The following SULT1B1 variants were observed in gnomAD, a reference collection of about 807,000 sequenced individuals.
SULT1B1 encodes the protein sulfotransferase family 1B member 1.
A neutral mutation model predicts 34.6 loss-of-function variants in SULT1B1; 28 were observed. That is an observed-to-expected ratio of 0.81 (90% CI 0.60 to 1.11). The LOEUF (loss-of-function observed/expected upper bound fraction) is 1.11. SULT1B1 is among the 50% of genes least tolerant of loss of function. SULT1B1 has a pLI of 0.00. For missense variants in SULT1B1, 374 were observed against 352.2 expected (o/e 1.06, Z -0.50); for synonymous variants, 147 against 110.2 (o/e 1.33, Z -2.09).
chr4:69,743,923 G>T (rs925267205), intron 4 of SULT1B1, among the ~76,000 whole-genome samples: 1 of 152,130 alleles, frequency 6.6e-6, no homozygotes, highest in Non-Finnish European at 1.5e-5. Context: ...CAACAGCTGC[G>T]CATGGGTGGC....
chr4:69,759,549 A>G (rs1032448345), intron 1 of SULT1B1, among the ~76,000 whole-genome samples: 1 of 152,204 alleles, frequency 6.6e-6, no homozygotes, highest in East Asian at 1.9e-4. Flanking sequence ...CCAATTCAGG[A>G]AGCTACAGGG....
intron 3 of SULT1B1, among the ~76,000 whole-genome samples, chr4:69,752,920 G>A (rs1719033478): frequency 1.3e-5 from 2 of 152,052 alleles, no homozygotes; most frequent in African/African-American, 4.8e-5. Flanking sequence ...TGCATTCCCT[G>A]TTAGCTCATT....
chr4:69,749,119 AAAG>A (rs891434500), intron 4 of SULT1B1, among the ~76,000 whole-genome samples: 3 of 152,214 alleles, frequency 2.0e-5, no homozygotes, highest in African/African-American at 4.8e-5. Flanking sequence ...GAGGGACAAA[AAAG>A]AAGGAGAAGG....
At chr4:69,733,678 A>G (rs1394037) in intron 5 of SULT1B1, among the ~76,000 whole-genome samples, 171 bp from the exon 6 acceptor site, 44,599 of 151,904 alleles carry the variant, frequency 0.29, 7,600 homozygotes, top group South Asian at 0.45. Flanking sequence ...TAAACATCAG[A>G]TATTTTTTAA....
chr4:69,729,866 A>G (rs1330046921), intron 7 of SULT1B1, among the ~76,000 whole-genome samples: 3 of 152,144 alleles, frequency 2.0e-5, no homozygotes, highest in Admixed American at 1.3e-4. Context: ...TATTGTTATT[A>G]TTAACACATT....
In SULT1B1 at chr4:69,721,833, A is replaced by G. The variant is rs1247090632; in HGVS notation, c.*5255T>C. ...CCATGGATGAGGAAATAATCATATC[A>G]TTGTCAGATATTTGTTATCACTGTC... On this transcript the variant is annotated 3_prime_UTR_variant, in exon 8 of 8. Transcript: ENST00000310613. 1 of 152,116 alleles carries G rather than the reference A, an allele frequency of 6.6e-6. No individual in the cohort carries two copies. Among genetic ancestry groups the G allele is most frequent in the Non-Finnish European group, 1.5e-5 (1 of 68,006 alleles). The allele number at this position is 152,116 out of a possible 1,614,324, so 9.4% of individuals were successfully genotyped here.
At chr4:69,732,938 T>C (rs1334749893) in intron 6 of SULT1B1, among the ~76,000 whole-genome samples, 1 of 152,034 alleles carries the variant, frequency 6.6e-6, no homozygotes, top group Non-Finnish European at 1.5e-5. Context: ...AAAATAAGTT[T>C]AGTTTTGAGC....
chr4:69,749,970 A>G, intron 3 of SULT1B1, 152 bp from the exon 4 acceptor site: 1 of 595,414 alleles, frequency 1.7e-6, no homozygotes, highest in Non-Finnish European at 3.0e-6. Context: ...ACATTACTAG[A>G]GTCAGTATTG....
chr4:69,736,859 G>C (rs80105376), intron 4 of SULT1B1, among the ~76,000 whole-genome samples: 181 of 152,032 alleles, frequency 1.2e-3, no homozygotes, highest in Non-Finnish European at 2.0e-3. Flanking sequence ...GAACCTGTGG[G>C]ACAATAACAA....
intron 4 of SULT1B1, among the ~76,000 whole-genome samples, chr4:69,736,718 A>T (rs998500698): frequency 1.3e-5 from 2 of 152,202 alleles, no homozygotes; most frequent in Non-Finnish European, 2.9e-5. Flanking sequence ...TAAATAAATC[A>T]CTAGATGGAC....
chr4:69,733,427 C>G lies in SULT1B1; in HGVS notation c.583G>C (p.Glu195Gln). 2 of 1,604,308 alleles carry G rather than the reference C, an allele frequency of 1.2e-6. No homozygotes were observed. The highest frequency in any genetic ancestry group is 8.5e-7 in the Non-Finnish European group (1 of 1,175,554). Reference protein sequence around the residue: ...EEHPILFLYYEDMKENPKEEI... With the variant: ...EEHPILFLYYQDMKENPKEEI... ...TACCATTTTACCTCTTTCATATCTT[C>G]ATAGTACAAAAAAAGTATTGGGTGT... Residue 195 changes from glutamate to glutamine, a missense_variant, in exon 6 of 8, where the codon GAA (glutamate) becomes CAA (glutamine). Coordinates refer to ENST00000310613, the MANE Select transcript of SULT1B1 (RefSeq NM_014465.4).
chr4:69,734,145 A>C lies in SULT1B1; in HGVS notation c.495T>G (p.Thr165=), dbSNP rs1578049854. 9 of 1,608,338 alleles carry C rather than the reference A, an allele frequency of 5.6e-6. 1 individual carries two copies. Among genetic ancestry groups the C allele is most frequent in the African/African-American group, 4.0e-5 (3 of 74,782 alleles). ...TWEEYLEKFL[T]GKVAYGSWFT... ...AAGATAAAGTCCACATACCTTTTCC[A>C]GTTAAGAATTTCTCCAGATATTCTT... Residue 165 remains threonine, a synonymous_variant, in exon 5 of 8, where the codon ACT becomes ACG. Coordinates refer to ENST00000310613, the MANE Select transcript of SULT1B1 (RefSeq NM_014465.4).
At position 69,725,239 on chromosome 4, in the gene SULT1B1, A is replaced by G. The variant is rs973022909; in HGVS notation, c.*1849T>C. ...ATGAACAGATACTTCTCAAAAGAAG[A>G]CATTTATGCAGCCAACAGACACATG... On this transcript the variant is annotated 3_prime_UTR_variant, in exon 8 of 8. Transcript: ENST00000310613. 6.6e-6 allele frequency: 1 copy of G among 152,226 alleles called. No individual in the cohort carries two copies. Among genetic ancestry groups the G allele is most frequent in the Non-Finnish European group, 1.5e-5 (1 of 68,036 alleles). 9.4% of individuals were successfully genotyped at this position (152,226 alleles called of 1,614,324 possible).
Position 69,724,582 on chromosome 4 carries a change from G to C in SULT1B1, c.*2506C>G, listed in dbSNP as rs1056379373. Reference sequence around the variant, plus strand: ...TTGCCAAGTCAATCCTAAGCCAAAAGAGCAAAGCTGGAAGCATCATACTAC... The same window carrying C: ...TTGCCAAGTCAATCCTAAGCCAAAACAGCAAAGCTGGAAGCATCATACTAC... On this transcript the variant is annotated 3_prime_UTR_variant, in exon 8 of 8. Coordinates refer to ENST00000310613, the MANE Select transcript of SULT1B1 (RefSeq NM_014465.4). 4 of 152,168 alleles carry C rather than the reference G, an allele frequency of 2.6e-5. No homozygotes were observed. The highest frequency in any genetic ancestry group is 4.4e-5 in the Non-Finnish European group (3 of 68,058). The allele number at this position is 152,168 out of a possible 1,614,324, so 9.4% of individuals were successfully genotyped here.
chr4:69,751,294 C>T (rs1042878898), intron 3 of SULT1B1, among the ~76,000 whole-genome samples: 3 of 152,194 alleles, frequency 2.0e-5, no homozygotes, highest in Admixed American at 1.3e-4. Context: ...ATCTGTTGTT[C>T]CTTGTTCCGC....
At chr4:69,746,297 TG>T (rs1197112716) in intron 4 of SULT1B1, among the ~76,000 whole-genome samples, 3 of 152,226 alleles carry the variant, frequency 2.0e-5, no homozygotes, top group Non-Finnish European at 4.4e-5. Context: ...TCCTCAGATA[TG>T]TTTTCCAAGT....
In SULT1B1 at chr4:69,727,008, C is replaced by A; in HGVS notation, c.*80G>T. On this transcript the variant is annotated 3_prime_UTR_variant, in exon 8 of 8. Coordinates refer to ENST00000310613, the MANE Select transcript of SULT1B1 (RefSeq NM_014465.4). ...TCTCCTTTATAAATTCATTTGATTG[C>A]CCAAATCAATTCATAACTGCCCTCG... 1.0e-6 allele frequency: 1 copy of A among 962,332 alleles called. No homozygotes were observed. Among genetic ancestry groups the A allele is most frequent in the Non-Finnish European group, 1.5e-6 (1 of 659,002 alleles). 59.6% of individuals were successfully genotyped at this position (962,332 alleles called of 1,614,324 possible).
chr4:69,757,595 C>T (rs1719240091), intron 1 of SULT1B1, among the ~76,000 whole-genome samples: 1 of 152,148 alleles, frequency 6.6e-6, no homozygotes, highest in African/African-American at 2.4e-5. Context: ...TACACACACA[C>T]ACACAAAATC....
intron 4 of SULT1B1, among the ~76,000 whole-genome samples, chr4:69,746,667 C>T (rs1300921047): frequency 6.6e-6 from 1 of 152,124 alleles, no homozygotes; most frequent in Non-Finnish European, 1.5e-5. Flanking sequence ...GTTTCCTTGA[C>T]ATCTAGGTTC....
Sources: gnomAD v4.1 joint callset for allele counts (sites outside exome capture counted in the v4.1 genomes callset) on GRCh38, gnomAD v4.1.1 for gene constraint, MANE v1.5 for transcripts, NCBI Gene and HGNC (gene_info 2026-07-23, HGNC 2026-07-21) for gene names.